CACNA1C: variants seen among roughly 807,000 people sequenced by gnomAD.
CACNA1C encodes the protein voltage-dependent L-type calcium channel subunit alpha-1C.
In CACNA1C, 30 loss-of-function variants were observed where a neutral mutation model predicts 229.0. That is an observed-to-expected ratio of 0.13 (90% CI 0.10 to 0.18). The LOEUF (loss-of-function observed/expected upper bound fraction) is 0.18. Ranked by LOEUF, CACNA1C falls within the 10% of genes least tolerant of loss-of-function variation. CACNA1C has a pLI of 1.00. For synonymous variants in CACNA1C, 1,114 were observed against 1,132.5 expected (o/e 0.98, Z 0.33); for missense variants, 1,658 against 2,845.0 (o/e 0.58, Z 9.49).
At chr12:2,335,532 AGCAGGACATGCACAGCG>A (rs2096665810) in intron 3 of CACNA1C, among the ~76,000 whole-genome samples, 1 of 152,112 alleles carries the variant, frequency 6.6e-6, no homozygotes, top group Non-Finnish European at 1.5e-5. Context: ...CATCAGACAG[AGCAGGACATGCACAGCG>A]TGGCTCCCTC....
In CACNA1C at chr12:2,037,769, G is replaced by A. The variant is rs533819839; in HGVS notation, c.139+66568G>A. ...TTCTCAGAGCATGGTCTGGGGTAGA[G>A]CAGCATCAGCCTCACCTGGAAGCTT... On this transcript the variant is annotated intron_variant, in intron 1 of 46. Transcript: ENST00000682462. Among the ~76,000 whole-genome samples the A allele has an allele frequency of 3.3e-5, 5 of 152,324 alleles. No homozygotes were observed. The South Asian group carries it at 1.0e-3, about 32-fold the overall frequency.
At chr12:2,150,921 G>C (rs1055091897) in intron 3 of CACNA1C, among the ~76,000 whole-genome samples, 16 of 152,184 alleles carry the variant, frequency 1.1e-4, no homozygotes, top group Admixed American at 6.5e-5. Context: ...GGTGGTCAAC[G>C]CCACTTCTGG....
intron 3 of CACNA1C, among the ~76,000 whole-genome samples, chr12:2,395,823 A>G (rs1401944708): frequency 6.6e-6 from 1 of 152,192 alleles, no homozygotes; most frequent in Non-Finnish European, 1.5e-5. Flanking sequence ...CACAGATCTG[A>G]GCCACATGAG....
chr12:2,393,425 C>G (rs780232462), intron 3 of CACNA1C, among the ~76,000 whole-genome samples: 4 of 152,214 alleles, frequency 2.6e-5, no homozygotes, highest in Non-Finnish European at 5.9e-5. Flanking sequence ...CTAGAGTACA[C>G]GCTTCTGACT....
At position 2,602,835 on chromosome 12, in the gene CACNA1C, T is replaced by A. The variant is rs1318343459; in HGVS notation, c.2960+875T>A. Among the ~76,000 whole-genome samples the A allele has an allele frequency of 6.6e-6, 1 of 152,190 alleles. No homozygotes were observed. Among genetic ancestry groups the A allele is most frequent in the Non-Finnish European group, 1.5e-5 (1 of 68,032 alleles). ...AGCTGATAGTGTGAATCCTACACTT[T>A]AACTTTCAAAGCACTTCCACATACA... On this transcript the variant is annotated intron_variant, in intron 22 of 46. Coordinates refer to ENST00000399655, the MANE Select transcript of CACNA1C (RefSeq NM_000719.7). The surrounding 1 kb of genome is among the most constrained non-coding windows in gnomAD (Gnocchi z 4.4).
chr12:2,482,380 C>A (rs950814385), intron 5 of CACNA1C, among the ~76,000 whole-genome samples: 1 of 152,236 alleles, frequency 6.6e-6, no homozygotes, highest in Non-Finnish European at 1.5e-5. Flanking sequence ...AAGCCATGGG[C>A]TAGGAGCCAG....
chr12:2,097,328 A>G (rs924078497), intron 1 of CACNA1C, among the ~76,000 whole-genome samples: 5 of 151,782 alleles, frequency 3.3e-5, no homozygotes, highest in African/African-American at 9.7e-5. Context: ...TTGTATTTTT[A>G]GTAGAGACGG....
intron 3 of CACNA1C, among the ~76,000 whole-genome samples, chr12:2,400,403 C>T (rs963315794): frequency 2.0e-5 from 3 of 152,180 alleles, no homozygotes; most frequent in African/African-American, 4.8e-5. Flanking sequence ...CTGACTCCAT[C>T]TACCTACCAA....
At chr12:2,153,320 T>TA (rs1328376745) in intron 3 of CACNA1C, among the ~76,000 whole-genome samples, 2 of 152,176 alleles carry the variant, frequency 1.3e-5, no homozygotes, top group East Asian at 3.8e-4. Context: ...TTTACTGTGG[T>TA]AAAATATACA....
chr12:2,609,859 C>G (rs575171549), intron 27 of CACNA1C, among the ~76,000 whole-genome samples: 1 of 152,270 alleles, frequency 6.6e-6, no homozygotes, highest in South Asian at 2.1e-4. Context: ...CACAGTGGCT[C>G]ATGCCTGTAA....
chr12:2,666,766 A>G lies in CACNA1C; in HGVS notation c.4607A>G (p.His1536Arg). 6.2e-7 allele frequency: 1 copy of G among 1,602,728 alleles called. No homozygotes were observed. The highest frequency in any genetic ancestry group is 1.3e-5 in the African/African-American group (1 of 74,816). Residue 1536 changes from histidine (H) to arginine (R), a missense_variant, in exon 37 of 47, where the codon CAC becomes CGC. Transcript: ENST00000399655. This position sits in a 1 kb window ranked among gnomAD's most constrained non-coding sequence, Gnocchi z 5.3. ...PPLGFGKLCP[H>R]RVACKRLVSM... Reference sequence around the variant, plus strand: ...CTAGGTTTTGGGAAGCTGTGCCCTCACCGCGTGGCTTGCAAAGTAAGAGAT... The same window carrying G: ...CTAGGTTTTGGGAAGCTGTGCCCTCGCCGCGTGGCTTGCAAAGTAAGAGAT...
chr12:2,359,090 ATCT>A (rs143754250), intron 3 of CACNA1C, among the ~76,000 whole-genome samples: 30 of 152,304 alleles, frequency 2.0e-4, no homozygotes, highest in African/African-American at 6.3e-4. Context: ...TTCCTTAAAA[ATCT>A]TCTCAAAAGT....
intron 8 of CACNA1C, among the ~76,000 whole-genome samples, chr12:2,509,081 A>G (rs1598426252): frequency 6.6e-6 from 1 of 152,334 alleles, no homozygotes; most frequent in East Asian, 1.9e-4. Flanking sequence ...CAAGAGGCCC[A>G]CGATTTCTTA....
Position 2,665,449 on chromosome 12 carries a change from C to A in CACNA1C, c.4399-132C>A. On this transcript the variant is annotated intron_variant, in intron 35 of 46. Coordinates refer to ENST00000399655, the MANE Select transcript of CACNA1C (RefSeq NM_000719.7). The surrounding 1 kb of genome is among the most constrained non-coding windows in gnomAD (Gnocchi z 5.9). ...TGTCCAAGAGACCCAGGTTCTCAGG[C>A]TGGTAGGATGGATGACTGGTCTTTA... The A allele has an allele frequency of 5.3e-6, 5 of 948,492 alleles. No individual in the cohort carries two copies. Among genetic ancestry groups the A allele is most frequent in the Non-Finnish European group, 8.3e-6 (5 of 605,324 alleles). 58.8% of individuals were successfully genotyped at this position (948,492 alleles called of 1,614,324 possible).
Position 2,597,295 on chromosome 12 carries a change from GC to G in CACNA1C, c.2853+11del. ...CCATTGAAATTGCTCTGAAGGTAAA[GC>G]CCCCATCCCCTTCTGCTCCTCCTGT... On this transcript the variant is annotated splice_region_variant and intron_variant, in intron 21 of 46. Transcript: ENST00000399655. The surrounding 1 kb of genome is among the most constrained non-coding windows in gnomAD (Gnocchi z 4.3). 6.2e-7 allele frequency: 1 copy of G among 1,606,238 alleles called. No homozygotes were observed. The highest frequency in any genetic ancestry group is 8.5e-7 in the Non-Finnish European group (1 of 1,173,140).
intron 18 of CACNA1C, among the ~76,000 whole-genome samples, chr12:2,588,127 C>CA (rs2063359117): frequency 1.3e-5 from 2 of 152,216 alleles, no homozygotes; most frequent in African/African-American, 4.8e-5. Context: ...AGCAGAAGTT[C>CA]CCAGAGACTC....
Position 2,595,681 on chromosome 12 carries a change from T to G in CACNA1C, c.2664-193T>G, listed in dbSNP as rs982430715. Among the ~76,000 whole-genome samples, 1 of 152,280 alleles carries G rather than the reference T, an allele frequency of 6.6e-6. No individual in the cohort carries two copies. The highest frequency in any genetic ancestry group is 2.4e-5 in the African/African-American group (1 of 41,544). On this transcript the variant is annotated intron_variant, in intron 19 of 46. Transcript: ENST00000399655. This position sits in a 1 kb window ranked among gnomAD's most constrained non-coding sequence, Gnocchi z 4.1. ...ACCTTCTAAAATATCAAAGATGATA[T>G]GTGCACCATGGGGGTGAGCAGTTGT... is the stretch of plus-strand genomic sequence containing the variant.
At chr12:2,206,786 G>T (rs1045749778) in intron 3 of CACNA1C, among the ~76,000 whole-genome samples, 1 of 152,222 alleles carries the variant, frequency 6.6e-6, no homozygotes, top group Non-Finnish European at 1.5e-5. Context: ...TGTGTGAAGG[G>T]TGGTGAAGAT....
intron 3 of CACNA1C, among the ~76,000 whole-genome samples, chr12:2,300,553 A>G (rs1389460147): frequency 1.3e-5 from 2 of 152,104 alleles, no homozygotes; most frequent in Non-Finnish European, 2.9e-5. Context: ...CTGAGCCTGG[A>G]AAGTGGAGGC....
Sources: gnomAD v4.1 joint callset for allele counts (sites outside exome capture counted in the v4.1 genomes callset) on GRCh38, gnomAD v4.1.1 for gene constraint, Gnocchi (gnomAD v3.1) non-coding constraint, MANE v1.5 for transcripts, NCBI Gene and HGNC (gene_info 2026-07-23, HGNC 2026-07-21) for gene names.